Variants in FBXO15 observed in about 807,000 individuals in gnomAD.
FBXO15 encodes F-box protein 15.
In FBXO15, 30 loss-of-function variants were observed where a neutral mutation model predicts 49.5. The observed-to-expected ratio is 0.61, with a 90% CI of 0.45 to 0.82. FBXO15 has a LOEUF of 0.82. FBXO15 is among the 40% of genes least tolerant of loss of function. FBXO15 has a pLI of 0.00. For missense variants in FBXO15, 591 were observed against 631.5 expected, an observed-to-expected ratio of 0.94 and a Z score of 0.69; for synonymous variants, 250 against 232.7, an observed-to-expected ratio of 1.07 and a Z score of -0.68.
At chr18:74,108,154 A>G (rs1913852999) in intron 8 of FBXO15, among the ~76,000 whole-genome samples, 1 of 152,188 alleles carries the variant, frequency 6.6e-6, no homozygotes, top group African/African-American at 2.4e-5. Flanking sequence ...AAGGCATACT[A>G]AAAAGCAAAA....
chr18:74,117,289 T>C (rs1335685047), intron 8 of FBXO15, among the ~76,000 whole-genome samples: 2 of 152,136 alleles, frequency 1.3e-5, no homozygotes, highest in Non-Finnish European at 2.9e-5. Flanking sequence ...CAATTATTCC[T>C]AACTCAGTTT....
chr18:74,108,509 G>GA (rs928719460), intron 8 of FBXO15, among the ~76,000 whole-genome samples: 11 of 93,714 alleles, frequency 1.2e-4, no homozygotes, highest in East Asian at 8.9e-4. Context: ...AAAGCAAAGA[G>GA]AAAAAAAAAG....
At chr18:74,107,490 T>C (rs973755440) in intron 8 of FBXO15, among the ~76,000 whole-genome samples, 4 of 152,066 alleles carry the variant, frequency 2.6e-5, no homozygotes, top group African/African-American at 9.7e-5. Context: ...ATAAGAAAAG[T>C]GAAGTCACAG....
At chr18:74,117,509 T>TA (rs1914281960) in intron 8 of FBXO15, among the ~76,000 whole-genome samples, 1 of 152,092 alleles carries the variant, frequency 6.6e-6, no homozygotes, top group Non-Finnish European at 1.5e-5. Context: ...GCACATCATT[T>TA]AAAAGGCAAA....
intron 8 of FBXO15, among the ~76,000 whole-genome samples, chr18:74,096,396 G>A (rs574260426): frequency 1.4e-3 from 208 of 152,122 alleles, no homozygotes; most frequent in African/African-American, 4.9e-3. Context: ...GGGGCCTCCT[G>A]CATCTGAGAC....
chr18:74,123,339 T>C, intron 8 of FBXO15, 29 bp downstream of exon 8: 2 of 1,592,500 alleles, frequency 1.3e-6, no homozygotes, highest in Non-Finnish European at 1.7e-6. Context: ...TTTAATTTCA[T>C]AATGAAATAA....
chr18:74,078,320 G>A (rs1470141693), intron 9 of FBXO15, among the ~76,000 whole-genome samples: 1 of 151,618 alleles, frequency 6.6e-6, no homozygotes, highest in Non-Finnish European at 1.5e-5. Flanking sequence ...CTTTCCTGAG[G>A]GTTTCAAGGC....
chr18:74,133,407 G>A (rs1442405112), intron 3 of FBXO15, among the ~76,000 whole-genome samples: 1 of 152,112 alleles, frequency 6.6e-6, no homozygotes, highest in Non-Finnish European at 1.5e-5. Flanking sequence ...AGACAGTAAA[G>A]AAACTAAGAA....
chr18:74,124,683 C>T, intron 6 of FBXO15, 112 bp from the exon 7 acceptor site: 1 of 856,782 alleles, frequency 1.2e-6, no homozygotes, highest in Non-Finnish European at 2.0e-6. Flanking sequence ...CACTTTCTTA[C>T]AAACATAAGA....
At chr18:74,129,138 G>T (rs1978308476) in intron 5 of FBXO15, among the ~76,000 whole-genome samples, 1 of 152,130 alleles carries the variant, frequency 6.6e-6, no homozygotes, top group Admixed American at 6.5e-5. Flanking sequence ...TCAAAGGTTA[G>T]CCATCAATCA....
chr18:74,147,780 C>T lies in FBXO15; in HGVS notation c.6G>A (p.Ala2=). 6.5e-7 allele frequency: 1 copy of T among 1,533,880 alleles called. No homozygotes were observed. Among genetic ancestry groups the T allele is most frequent in the East Asian group, 2.5e-5 (1 of 39,790 alleles). M[A]TGRGRILQQH... ...GCTGCAAGATCCGACCGCGTCCAGT[C>T]GCCATAGAGACAAGGAGTTCACCAC... Residue 2 remains alanine (A), a synonymous_variant, in exon 1 of 10, where the codon GCG becomes GCA. Transcript: ENST00000419743.
At chr18:74,083,111 C>T (rs2145108938) in intron 8 of FBXO15, among the ~76,000 whole-genome samples, 1 of 152,322 alleles carries the variant, frequency 6.6e-6, no homozygotes, top group Middle Eastern at 3.4e-3. Context: ...GCAGGGTTTC[C>T]AGCCCCGCAA....
chr18:74,107,965 G>C (rs368118437), intron 8 of FBXO15, among the ~76,000 whole-genome samples: 1 of 152,086 alleles, frequency 6.6e-6, no homozygotes. Context: ...GTTGTAAAGC[G>C]GGGGACTGAG....
Position 74,130,618 on chromosome 18 carries a change from C to T in FBXO15, c.373G>A (p.Ala125Thr). 1.2e-6 allele frequency: 2 copies of T among 1,613,866 alleles called. No homozygotes were observed. The highest frequency in any genetic ancestry group is 1.7e-6 in the Non-Finnish European group (2 of 1,179,910). Residue 125 changes from alanine to threonine, a missense_variant, in exon 4 of 10, where the codon GCA becomes ACA. By Grantham distance (58) the Ala-to-Thr change is moderately conservative. Coordinates refer to ENST00000419743, the MANE Select transcript of FBXO15 (RefSeq NM_001142958.2). Reference sequence around the variant, plus strand: ...GAATTAAATTTCCAATTTGATCTTGCAGGTGAAAAAGCAGTTGAGTAGATT... The same window carrying T: ...GAATTAAATTTCCAATTTGATCTTGTAGGTGAAAAAGCAGTTGAGTAGATT... ...IGIYSTAFSP[A>T]RSNWKFNSVE...
intron 3 of FBXO15, among the ~76,000 whole-genome samples, chr18:74,132,787 A>G (rs556889134): frequency 6.6e-6 from 1 of 152,334 alleles, no homozygotes; most frequent in East Asian, 1.9e-4. Context: ...GGCCAATTTA[A>G]TGTTCAGATA....
At chr18:74,093,626 G>A (rs1298203762) in intron 8 of FBXO15, among the ~76,000 whole-genome samples, 2 of 152,198 alleles carry the variant, frequency 1.3e-5, no homozygotes, top group Non-Finnish European at 2.9e-5. Context: ...GTTTTATCAT[G>A]AGATTAAAGC....
At chr18:74,094,909 A>G (rs1317393776) in intron 8 of FBXO15, among the ~76,000 whole-genome samples, 1 of 152,250 alleles carries the variant, frequency 6.6e-6, no homozygotes, top group Non-Finnish European at 1.5e-5. Flanking sequence ...AGCCACCTTC[A>G]TCAATGATCT....
chr18:74,132,072 C>T (rs1026150419), intron 3 of FBXO15, among the ~76,000 whole-genome samples: 3 of 152,204 alleles, frequency 2.0e-5, no homozygotes, highest in African/African-American at 7.2e-5. Flanking sequence ...TCATTTCTCA[C>T]TCTGCAAAAT....
chr18:74,112,940 C>T (rs1914094975), intron 8 of FBXO15, among the ~76,000 whole-genome samples: 1 of 152,230 alleles, frequency 6.6e-6, no homozygotes, highest in South Asian at 2.1e-4. Flanking sequence ...CATGATCCAG[C>T]AACCACACTC....
Sources: allele counts gnomAD v4.1 joint callset (sites outside exome capture counted in the v4.1 genomes callset), GRCh38; gene constraint gnomAD v4.1.1; transcripts MANE v1.5; gene names NCBI Gene and HGNC (gene_info 2026-07-23, HGNC 2026-07-21).